Variants in TCF7L2 observed in about 807,000 individuals in gnomAD.
The protein encoded by TCF7L2 is transcription factor 7-like 2.
Under a neutral mutation model 77.9 loss-of-function variants are expected in TCF7L2, and 23 were observed. That is an observed-to-expected ratio of 0.30 (90% confidence interval 0.21 to 0.42). The LOEUF (loss-of-function observed/expected upper bound fraction) is 0.42, where lower values mean the gene tolerates loss of function less well. TCF7L2 is among the 10% of genes least tolerant of loss of function. The pLI, the probability that TCF7L2 is intolerant of heterozygous loss-of-function variation, is 1.00. For synonymous variants in TCF7L2, 413 were observed against 340.2 expected (o/e 1.21, Z -2.36); for missense variants, 654 against 793.1 (o/e 0.82, Z 2.11).
At chr10:113,139,502 T>C (rs1427080434) in intron 5 of TCF7L2, among the ~76,000 whole-genome samples, 1 of 152,236 alleles carries the variant, frequency 6.6e-6, no homozygotes, top group African/African-American at 2.4e-5. Context: ...AAGCTCCATC[T>C]GCTTTGGTGG....
Position 113,096,076 on chromosome 10 carries a change from C to T in TCF7L2, c.553-45108C>T, listed in dbSNP as rs149626787. ...GGTCAGTTTTTAATGGGCTAGTCTG[C>T]GTCAAGGGAGAGTATAAATTAGCCT... is the stretch of plus-strand genomic sequence containing the variant. On this transcript the variant is annotated intron_variant, in intron 5 of 13. Transcript: ENST00000627217. 4.2e-3 allele frequency among the ~76,000 whole-genome samples: 634 copies of T among 152,260 alleles called. 1 individual carries two copies. The highest frequency in any genetic ancestry group is 0.014 in the African/African-American group (594 of 41,544).
chr10:113,141,435 TG>T lies in TCF7L2; in HGVS notation c.685+126del, dbSNP rs55638532. 0.18 allele frequency: 254,739 copies of T among 1,405,484 alleles called. 26,073 individuals carry two copies. The highest frequency in any genetic ancestry group is 0.29 in the Middle Eastern group (1,525 of 5,302). 87.1% of individuals were successfully genotyped at this position (1,405,484 alleles called of 1,614,324 possible). A position where few individuals can be genotyped will look rare whatever the true frequency, so the allele number is the denominator to read the frequency against. ...GTAGGGGACTTTGGGGGAACGGTGG[TG>T]GGGGGGCCCCTGTTGCTTTTCTGGG... On this transcript the variant is annotated intron_variant, in intron 6 of 13. Coordinates refer to ENST00000627217, the MANE Select transcript of TCF7L2 (RefSeq NM_001146274.2).
rs189115035 is a variant in TCF7L2, at chr10:112,984,320, T to G, written c.450+19696T>G. ...AAGCTATGTTTTTGTTTTTGTTTTT[T>G]TTTGGCATTTGCCAGAACTCTATAG... is the stretch of plus-strand genomic sequence containing the variant. On this transcript the variant is annotated intron_variant, in intron 4 of 13. Transcript: ENST00000627217. Among the ~76,000 whole-genome samples, 74 of 152,312 alleles carry G rather than the reference T, an allele frequency of 4.9e-4. No homozygotes were observed. The East Asian group carries it at 0.012, about 25-fold the overall frequency.
At chr10:113,051,021 A>G (rs2054330943) in intron 5 of TCF7L2, among the ~76,000 whole-genome samples, 1 of 151,394 alleles carries the variant, frequency 6.6e-6, no homozygotes, top group Non-Finnish European at 1.5e-5. Context: ...TGATAATGGC[A>G]TTTCCTATCT....
intron 11 of TCF7L2, among the ~76,000 whole-genome samples, chr10:113,156,186 C>T (rs1387066030): frequency 6.7e-6 from 1 of 150,164 alleles, no homozygotes; most frequent in African/African-American, 2.5e-5. Flanking sequence ...ACGATCTCAG[C>T]TCACTGCAAC....
At chr10:113,070,488 G>A (rs1415017295) in intron 5 of TCF7L2, among the ~76,000 whole-genome samples, 2 of 151,882 alleles carry the variant, frequency 1.3e-5, no homozygotes, top group Non-Finnish European at 2.9e-5. Flanking sequence ...GCCCATCTGC[G>A]GGACCCGCGT....
rs567407112 is a variant in TCF7L2 at position 112,999,954 on chromosome 10, T to A, written c.450+35330T>A. On this transcript the variant is annotated intron_variant, in intron 4 of 13. Coordinates refer to ENST00000627217, the MANE Select transcript of TCF7L2 (RefSeq NM_001146274.2). Reference sequence around the variant, plus strand: ...TTCTCATCTGTAAAATGAATTGGGGTGTGGACTGTTTATGGCCTGTAGGAT... The same window carrying A: ...TTCTCATCTGTAAAATGAATTGGGGAGTGGACTGTTTATGGCCTGTAGGAT... Among the ~76,000 whole-genome samples the A allele has an allele frequency of 2.6e-5, 4 of 152,252 alleles. No homozygotes were observed. The East Asian group carries it at 5.8e-4, about 22-fold the overall frequency.
intron 5 of TCF7L2, among the ~76,000 whole-genome samples, chr10:113,090,571 A>G (rs773667701): frequency 6.6e-6 from 1 of 152,196 alleles, no homozygotes; most frequent in African/African-American, 2.4e-5. Context: ...AAAAATACAT[A>G]AAGAAAATGT....
At chr10:112,971,798 A>AT (rs2134911431) in intron 4 of TCF7L2, among the ~76,000 whole-genome samples, 1 of 144,846 alleles carries the variant, frequency 6.9e-6, no homozygotes, top group Admixed American at 7.0e-5. Flanking sequence ...TTTTTAGTAG[A>AT]GACGAGGTCT....
chr10:113,025,358 C>A (rs1330423103), intron 4 of TCF7L2, among the ~76,000 whole-genome samples: 1 of 151,996 alleles, frequency 6.6e-6, no homozygotes, highest in African/African-American at 2.4e-5. Flanking sequence ...CCTGTCTCAG[C>A]CTCCTGAGTA....
intron 4 of TCF7L2, among the ~76,000 whole-genome samples, chr10:112,985,564 G>T (rs958402996): frequency 4.6e-5 from 7 of 152,178 alleles, no homozygotes; most frequent in Non-Finnish European, 1.0e-4. Flanking sequence ...CAGTCTGAAG[G>T]CACCATAATT....
chr10:113,031,384 A>G lies in TCF7L2; in HGVS notation c.451-8641A>G, dbSNP rs1464714953. Among the ~76,000 whole-genome samples the G allele has an allele frequency of 3.3e-5, 5 of 152,164 alleles. No homozygotes were observed. In the East Asian group the frequency reaches 5.8e-4, roughly 18 times the overall value. ...GCAAGTTGGAAAAAAGTACGTACAGATCCTGGGCCACTACCAAGTTTCATT... is the reference window on the plus strand; with the variant it reads ...GCAAGTTGGAAAAAAGTACGTACAGGTCCTGGGCCACTACCAAGTTTCATT... On this transcript the variant is annotated intron_variant, in intron 4 of 13. Coordinates refer to ENST00000627217, the MANE Select transcript of TCF7L2 (RefSeq NM_001146274.2).
intron 4 of TCF7L2, among the ~76,000 whole-genome samples, chr10:112,988,378 C>T (rs532446834): frequency 1.3e-4 from 20 of 152,306 alleles, no homozygotes; most frequent in Admixed American, 4.6e-4. Flanking sequence ...GGATTACAGG[C>T]GTGAGCCACT....
At chr10:113,149,665 C>T (rs1005691988) in intron 8 of TCF7L2, among the ~76,000 whole-genome samples, 2 of 149,184 alleles carry the variant, frequency 1.3e-5, no homozygotes, top group East Asian at 1.9e-4. Context: ...TTGTCGTGAT[C>T]GATCCTCATT....
intron 4 of TCF7L2, among the ~76,000 whole-genome samples, chr10:112,969,770 GA>G (rs1285741917): frequency 6.6e-6 from 1 of 152,216 alleles, no homozygotes; most frequent in African/African-American, 2.4e-5. Flanking sequence ...ATTAACCTGG[GA>G]GGAGGACTAG....
At chr10:113,024,929 C>G (rs577663397) in intron 4 of TCF7L2, among the ~76,000 whole-genome samples, 2 of 152,124 alleles carry the variant, frequency 1.3e-5, no homozygotes, top group African/African-American at 4.8e-5. Flanking sequence ...TTATATAAAC[C>G]TTAGGTAATT....
intron 5 of TCF7L2, among the ~76,000 whole-genome samples, chr10:113,059,581 C>T (rs1471705584): frequency 6.6e-6 from 1 of 151,762 alleles, no homozygotes; most frequent in East Asian, 1.9e-4. Flanking sequence ...TGTGTTGGTG[C>T]GCGGGTCAGG....
intron 4 of TCF7L2, among the ~76,000 whole-genome samples, chr10:112,990,069 G>T (rs2042250188): frequency 6.6e-6 from 1 of 152,088 alleles, no homozygotes. Context: ...ATTCCTGGTA[G>T]TACGTTTCCC....
In TCF7L2 at chr10:113,166,575, G is replaced by A. The variant is rs932054741; in HGVS notation, c.*603G>A. 1 of 227,078 alleles carries A rather than the reference G, an allele frequency of 4.4e-6. No homozygotes were observed. Among genetic ancestry groups the A allele is most frequent in the Non-Finnish European group, 8.7e-6 (1 of 114,360 alleles). 14.1% of individuals were successfully genotyped at this position (227,078 alleles called of 1,614,324 possible). On this transcript the variant is annotated 3_prime_UTR_variant, in exon 14 of 14. Transcript: ENST00000627217. The stretch of plus-strand genomic sequence containing the variant: ...TTGTTCCATGGTGTTGTTCTTTTGG[G>A]GGGAGGGGACGCTACTCAACACTTA...
Sources: gnomAD v4.1 joint callset for allele counts (sites outside exome capture counted in the v4.1 genomes callset) on GRCh38, gnomAD v4.1.1 for gene constraint, MANE v1.5 for transcripts, NCBI Gene and HGNC (gene_info 2026-07-23, HGNC 2026-07-21) for gene names.